The following SNX24 variants were observed in gnomAD, a reference collection of about 807,000 sequenced individuals.
SNX24 encodes the protein sorting nexin 24, also known as sorting nexin-24.
In SNX24, 22 loss-of-function variants were observed where a neutral mutation model predicts 28.7. The ratio of observed to expected loss-of-function variants is 0.77; its 90% CI spans 0.55 to 1.10. The LOEUF (loss-of-function observed/expected upper bound fraction) is 1.10, where lower values mean the gene tolerates loss of function less well. SNX24 is among the 50% of genes least tolerant of loss of function. The pLI is 0.00. For missense variants in SNX24, 221 were observed against 201.1 expected (o/e 1.10, Z -0.60); for synonymous variants, 69 against 71.5 (o/e 0.96, Z 0.18).
In SNX24 at chr5:123,007,870, A is replaced by G. The variant is rs1762471516; in HGVS notation, c.*121A>G. The G allele has an allele frequency of 1.3e-6, 2 of 1,500,472 alleles. No individual in the cohort carries two copies. Among genetic ancestry groups the G allele is most frequent in the Non-Finnish European group, 1.8e-6 (2 of 1,127,764 alleles). The allele number at this position is 1,500,472 out of a possible 1,614,324, so 92.9% of individuals were successfully genotyped here. On this transcript the variant is annotated 3_prime_UTR_variant, in exon 7 of 7. Coordinates refer to ENST00000261369, the MANE Select transcript of SNX24 (RefSeq NM_014035.4). ...ACAGCTCTAGCTAGTGGTAAAGTGC[A>G]CAGTCCCAGCTTAATTCAGGGCAGG...
At chr5:122,984,167 A>G (rs1007850470) in intron 3 of SNX24, among the ~76,000 whole-genome samples, 1 of 152,154 alleles carries the variant, frequency 6.6e-6, no homozygotes, top group Admixed American at 6.5e-5. Context: ...TCATCACAGC[A>G]ATCTGTTGGA....
intron 1 of SNX24, among the ~76,000 whole-genome samples, chr5:122,849,159 A>C (rs1754784838): frequency 6.6e-6 from 1 of 152,164 alleles, no homozygotes; most frequent in African/African-American, 2.4e-5. Context: ...GTTTTTACAG[A>C]TATTGCACGA....
At chr5:122,877,359 G>C (rs982869011) in intron 1 of SNX24, among the ~76,000 whole-genome samples, 2 of 152,126 alleles carry the variant, frequency 1.3e-5, no homozygotes, top group African/African-American at 4.8e-5. Context: ...AGGAAACCAG[G>C]CTGATTGAAC....
intron 1 of SNX24, among the ~76,000 whole-genome samples, chr5:122,854,515 C>CAAAAAAAAAAA (rs55693230): frequency 8.2e-6 from 1 of 121,406 alleles, no homozygotes; most frequent in Non-Finnish European, 1.7e-5. Flanking sequence ...CTCAAAAAAA[C>CAAAAAAAAAAA]AAAAAAAAAA....
chr5:122,937,942 C>A (rs3776186), intron 2 of SNX24, among the ~76,000 whole-genome samples: 1 of 152,120 alleles, frequency 6.6e-6, no homozygotes, highest in Non-Finnish European at 1.5e-5. Flanking sequence ...GAGGTTTCTT[C>A]TGGGTACCTG....
intron 3 of SNX24, among the ~76,000 whole-genome samples, chr5:122,952,798 A>C (rs1760008804): frequency 6.6e-6 from 1 of 152,214 alleles, no homozygotes; most frequent in African/African-American, 2.4e-5. Flanking sequence ...AACACATGAG[A>C]GTTCTTAGAA....
intron 1 of SNX24, among the ~76,000 whole-genome samples, chr5:122,926,061 G>A (rs1758681934): frequency 6.6e-6 from 1 of 152,122 alleles, no homozygotes; most frequent in Non-Finnish European, 1.5e-5. Flanking sequence ...TAAATGCACA[G>A]AAGAAAAGTA....
chr5:123,002,012 A>G lies in SNX24; in HGVS notation c.442+8A>G. On this transcript the variant is annotated splice_region_variant and intron_variant, in intron 6 of 6. Transcript: ENST00000261369. ...TCTTGCCTGCAGCCAGCGGTAATCA[A>G]ACCTGTCATCTGCTAACAGCTCTTT... 6.2e-7 allele frequency: 1 copy of G among 1,610,534 alleles called. No homozygotes were observed. The highest frequency in any genetic ancestry group is 1.1e-5 in the South Asian group (1 of 91,018).
chr5:122,927,819 C>T (rs1481718990), intron 1 of SNX24, among the ~76,000 whole-genome samples: 2 of 152,130 alleles, frequency 1.3e-5, no homozygotes, highest in Non-Finnish European at 2.9e-5. Context: ...GTTGTCAACT[C>T]AGTCCTCTGA....
chr5:122,988,870 G>T (rs901057089), intron 3 of SNX24, among the ~76,000 whole-genome samples: 2 of 152,022 alleles, frequency 1.3e-5, no homozygotes, highest in Non-Finnish European at 2.9e-5. Flanking sequence ...TATAGACTGT[G>T]CATGAACCTA....
chr5:122,957,204 G>T (rs959137904), intron 3 of SNX24, among the ~76,000 whole-genome samples: 9 of 152,220 alleles, frequency 5.9e-5, no homozygotes, highest in Non-Finnish European at 7.4e-5. Flanking sequence ...ATGATGTTAG[G>T]TAAGGATCCA....
chr5:122,910,019 A>G (rs1757813872), intron 1 of SNX24, among the ~76,000 whole-genome samples: 1 of 152,232 alleles, frequency 6.6e-6, no homozygotes, highest in South Asian at 2.1e-4. Flanking sequence ...CAAGGCAGAA[A>G]GATATCAGTT....
intron 1 of SNX24, among the ~76,000 whole-genome samples, chr5:122,912,527 G>T (rs1325148009): frequency 5.9e-5 from 9 of 152,128 alleles, no homozygotes; most frequent in Non-Finnish European, 1.5e-5. Context: ...AGTGGTGAGA[G>T]AGGGCATCCT....
intron 1 of SNX24, among the ~76,000 whole-genome samples, chr5:122,868,493 T>G (rs576489237): frequency 3.9e-5 from 6 of 152,228 alleles, no homozygotes; most frequent in African/African-American, 1.4e-4. Flanking sequence ...GAACCAGCAT[T>G]GCACTTAACC....
chr5:122,987,651 T>A (rs1345726518), intron 3 of SNX24, among the ~76,000 whole-genome samples: 1 of 152,116 alleles, frequency 6.6e-6, no homozygotes, highest in Non-Finnish European at 1.5e-5. Context: ...CTGATTCTGA[T>A]GGTAGATCAC....
In SNX24 at chr5:122,946,176, T is replaced by C. The variant is rs773708185; in HGVS notation, c.249+17T>C. On this transcript the variant is annotated intron_variant, in intron 3 of 6. Transcript: ENST00000261369. ...TACTTACAGGTAAGATATGTTTAGA[T>C]CCTCATTTTATATAACATAAATAAT... 7.1e-7 allele frequency: 1 copy of C among 1,410,564 alleles called. No individual in the cohort carries two copies. Among genetic ancestry groups the C allele is most frequent in the Non-Finnish European group, 1.0e-6 (1 of 1,001,048 alleles). The allele number at this position is 1,410,564 out of a possible 1,614,324, so 87.4% of individuals were successfully genotyped here. A position where few individuals can be genotyped will look rare whatever the true frequency, so the allele number is the denominator to read the frequency against.
At chr5:122,859,384 C>G (rs886750850) in intron 1 of SNX24, among the ~76,000 whole-genome samples, 1 of 151,898 alleles carries the variant, frequency 6.6e-6, no homozygotes, top group Admixed American at 6.6e-5. Flanking sequence ...TGGGAAGATC[C>G]CTTGAGCCCA....
intron 1 of SNX24, among the ~76,000 whole-genome samples, chr5:122,897,113 G>A (rs1005885499): frequency 3.3e-5 from 5 of 152,246 alleles, no homozygotes; most frequent in East Asian, 1.9e-4. Context: ...ACATATAAAC[G>A]TATCTACTTC....
intron 1 of SNX24, among the ~76,000 whole-genome samples, chr5:122,904,108 A>G (rs12513854): frequency 0.039 from 5,912 of 152,188 alleles, 181 homozygotes; most frequent in East Asian, 0.1. Flanking sequence ...TTTAGCCCCT[A>G]GAGCAAGAGA....
Sources: gnomAD v4.1 joint callset for allele counts (sites outside exome capture counted in the v4.1 genomes callset) on GRCh38, gnomAD v4.1.1 for gene constraint, MANE v1.5 for transcripts, NCBI Gene and HGNC (gene_info 2026-07-23, HGNC 2026-07-21) for gene names.